Variants in DLG2 observed in about 807,000 individuals in gnomAD.
DLG2 encodes the protein discs large MAGUK scaffold protein 2, also known as disks large homolog 2.
Under a neutral mutation model 132.5 loss-of-function variants are expected in DLG2, and 45 were observed. The ratio of observed to expected loss-of-function variants is 0.34; its 90% CI spans 0.27 to 0.44. The LOEUF is 0.44. DLG2 is among the 20% of genes least tolerant of loss of function. The pLI, the probability that DLG2 is intolerant of heterozygous loss-of-function variation, is 1.00. For synonymous variants in DLG2, 424 were observed against 419.6 expected (o/e 1.01, Z -0.13); for missense variants, 1,045 against 1,196.9 (o/e 0.87, Z 1.87).
chr11:84,238,794 T>C (rs2097191298), intron 8 of DLG2, among the ~76,000 whole-genome samples: 1 of 152,190 alleles, frequency 6.6e-6, no homozygotes. Flanking sequence ...TCTTCCTCTT[T>C]CTTTTCACTC....
chr11:85,088,027 T>C (rs2068219659), intron 6 of DLG2, among the ~76,000 whole-genome samples: 1 of 152,154 alleles, frequency 6.6e-6, no homozygotes, highest in Admixed American at 6.5e-5. Context: ...GTGAATAGTG[T>C]ATTGTTGTAA....
intron 6 of DLG2, among the ~76,000 whole-genome samples, chr11:84,536,086 A>G (rs982371878): frequency 1.3e-5 from 2 of 152,140 alleles, no homozygotes; most frequent in Non-Finnish European, 2.9e-5. Flanking sequence ...CAATACTTAC[A>G]CTTATACTTT....
chr11:85,115,389 A>G (rs775730983), intron 5 of DLG2, among the ~76,000 whole-genome samples: 7 of 151,974 alleles, frequency 4.6e-5, no homozygotes, highest in Non-Finnish European at 8.8e-5. Flanking sequence ...AGTGCCAGCT[A>G]TTGCATTAGG....
chr11:83,541,780 G>C lies in DLG2; in HGVS notation c.2019C>G (p.Leu673=), dbSNP rs1312633140. 1 of 1,613,292 alleles carries C rather than the reference G, an allele frequency of 6.2e-7. No individual in the cohort carries two copies. Among genetic ancestry groups the C allele is most frequent in the Non-Finnish European group, 8.5e-7 (1 of 1,179,602 alleles). The change falls in exon 20 of 28, where the codon CTC becomes CTG. Residue 673 remains leucine (L), a synonymous_variant. Coordinates refer to ENST00000376104, the MANE Select transcript of DLG2 (RefSeq NM_001142699.3). ...CATCATCAGAGGCATTGATAACGTGGAGAATATCTCCATATTTAAAACTAA... is the reference window on the plus strand; with the variant it reads ...CATCATCAGAGGCATTGATAACGTGCAGAATATCTCCATATTTAAAACTAA... ...QGLSFKYGDI[L]HVINASDDEW... is the part of the protein sequence containing the mutation.
intron 2 of DLG2, among the ~76,000 whole-genome samples, chr11:85,614,715 G>T (rs1230100080): frequency 3.9e-5 from 6 of 152,212 alleles, no homozygotes; most frequent in African/African-American, 1.4e-4. Context: ...ATATTAGCTA[G>T]CATTTGTGGA....
intron 18 of DLG2, among the ~76,000 whole-genome samples, chr11:83,688,167 G>C (rs2080171733): frequency 6.6e-6 from 1 of 152,152 alleles, no homozygotes; most frequent in Admixed American, 6.5e-5. Context: ...AAATTATTCT[G>C]ATATAATCCC....
intron 6 of DLG2, 79 bp from the exon 7 acceptor site, chr11:84,534,810 C>G: frequency 6.7e-7 from 1 of 1,500,250 alleles, no homozygotes; most frequent in Non-Finnish European, 9.2e-7. Context: ...CATATTCTAA[C>G]TTCATCAATA....
At chr11:84,160,670 A>G (rs1435041451) in intron 9 of DLG2, among the ~76,000 whole-genome samples, 1 of 152,200 alleles carries the variant, frequency 6.6e-6, no homozygotes, top group Non-Finnish European at 1.5e-5. Context: ...GTTATTCAGT[A>G]AAAAGCAAGA....
chr11:84,815,148 T>C (rs2076963670), intron 6 of DLG2, among the ~76,000 whole-genome samples: 1 of 152,050 alleles, frequency 6.6e-6, no homozygotes, highest in African/African-American at 2.4e-5. Context: ...CACTCAACTC[T>C]CAAACTGTTT....
At chr11:84,658,983 A>G (rs990836565) in intron 6 of DLG2, among the ~76,000 whole-genome samples, 21 of 152,126 alleles carry the variant, frequency 1.4e-4, no homozygotes, top group African/African-American at 4.6e-4. Context: ...CTAAACATCA[A>G]ATCTGTTGGC....
At chr11:84,553,700 T>G (rs2099406392) in intron 6 of DLG2, among the ~76,000 whole-genome samples, 1 of 152,220 alleles carries the variant, frequency 6.6e-6, no homozygotes, top group South Asian at 2.1e-4. Flanking sequence ...TAAAGGCAGT[T>G]TCTTACAATT....
At chr11:83,683,343 A>G (rs996654885) in intron 18 of DLG2, among the ~76,000 whole-genome samples, 1 of 152,166 alleles carries the variant, frequency 6.6e-6, no homozygotes, top group Non-Finnish European at 1.5e-5. Context: ...AGGGAGGTCA[A>G]CTAATCCACG....
At chr11:84,225,102 C>T (rs1392434004) in intron 8 of DLG2, among the ~76,000 whole-genome samples, 1 of 152,166 alleles carries the variant, frequency 6.6e-6, no homozygotes, top group Admixed American at 6.5e-5. Flanking sequence ...ATCTACAAAT[C>T]TAAGGCCTTC....
chr11:85,377,267 C>T (rs1288310260), intron 3 of DLG2, among the ~76,000 whole-genome samples: 2 of 152,162 alleles, frequency 1.3e-5, no homozygotes, highest in East Asian at 1.9e-4. Flanking sequence ...GAAGCAACAG[C>T]TTAGCAAGGC....
intron 18 of DLG2, among the ~76,000 whole-genome samples, chr11:83,702,604 C>A (rs1320135089): frequency 1.3e-5 from 2 of 152,190 alleles, no homozygotes; most frequent in Non-Finnish European, 2.9e-5. Flanking sequence ...GGCCACCTTG[C>A]ACTGCTAAAT....
chr11:83,979,168 C>A lies in DLG2; in HGVS notation c.1056+1338G>T, dbSNP rs2092558674. 2.0e-5 allele frequency among the ~76,000 whole-genome samples: 3 copies of A among 152,084 alleles called. No individual in the cohort carries two copies. In the South Asian group the frequency reaches 6.2e-4, roughly 31 times the overall value. The stretch of plus-strand genomic sequence containing the variant: ...TACTGAACACAAAGGTCATTGGCAA[C>A]TATGAAATTAGACCACTGCGATTAA... On this transcript the variant is annotated intron_variant, in intron 12 of 27. Transcript: ENST00000376104.
chr11:84,985,340 G>A (rs1198292813), intron 6 of DLG2, among the ~76,000 whole-genome samples: 2 of 151,972 alleles, frequency 1.3e-5, no homozygotes, highest in East Asian at 3.9e-4. Flanking sequence ...AAAACCATGC[G>A]AATACATGGA....
At chr11:84,537,090 C>T (rs1050311856) in intron 6 of DLG2, among the ~76,000 whole-genome samples, 1 of 152,040 alleles carries the variant, frequency 6.6e-6, no homozygotes, top group African/African-American at 2.4e-5. Flanking sequence ...ATATGCTGAA[C>T]CCCCATTACT....
rs548678244 is a variant in DLG2, at chr11:84,785,419, A to G, written c.358-250688T>C. Among the ~76,000 whole-genome samples, 4 of 152,210 alleles carry G rather than the reference A, an allele frequency of 2.6e-5. No homozygotes were observed. In the South Asian group the frequency reaches 8.3e-4, roughly 32 times the overall value. ...AGACTCCTCATGAGTTGTTAGGTATACTTCCATTAGAAGTCACATGATGTC... is the reference window on the plus strand; with the variant it reads ...AGACTCCTCATGAGTTGTTAGGTATGCTTCCATTAGAAGTCACATGATGTC... On this transcript the variant is annotated intron_variant, in intron 6 of 27. Transcript: ENST00000376104.
Sources: allele counts gnomAD v4.1 joint callset (sites outside exome capture counted in the v4.1 genomes callset), GRCh38; gene constraint gnomAD v4.1.1; transcripts MANE v1.5; gene names NCBI Gene and HGNC (gene_info 2026-07-23, HGNC 2026-07-21).